NR2C2: variants seen among roughly 807,000 people sequenced by gnomAD.
The protein encoded by NR2C2 is nuclear receptor subfamily 2 group C member 2, also known as Nuclear hormone receptor TR4.
Under a neutral mutation model 62.9 loss-of-function variants are expected in NR2C2, and 6 were observed. The ratio of observed to expected loss-of-function variants is 0.10; its 90% CI spans 0.05 to 0.19. The LOEUF is 0.19. Among genes scored for constraint, NR2C2 ranks in the 10% least tolerant of loss-of-function variants. NR2C2 has a pLI of 1.00. For missense variants in NR2C2, 479 were observed against 762.7 expected, an observed-to-expected ratio of 0.63 and a Z score of 4.38; for synonymous variants, 272 against 273.8, an observed-to-expected ratio of 0.99 and a Z score of 0.07.
At chr3:14,959,160 C>T (rs1264251709) in intron 1 of NR2C2, 2 of 152,070 alleles carry the variant, frequency 1.3e-5, no homozygotes, top group Admixed American at 6.5e-5. Flanking sequence ...TCTCTAGGAC[C>T]GCCTATGGCT....
At chr3:14,985,784 T>C (rs2040498661) in intron 1 of NR2C2, among the ~76,000 whole-genome samples, 1 of 152,170 alleles carries the variant, frequency 6.6e-6, no homozygotes, top group African/African-American at 2.4e-5. Context: ...TAGATGCACA[T>C]TTAAGTTTTT....
intron 1 of NR2C2, among the ~76,000 whole-genome samples, chr3:14,961,777 A>T (rs1296658793): frequency 2.6e-5 from 4 of 152,216 alleles, no homozygotes; most frequent in African/African-American, 9.6e-5. Context: ...TACTAGTAGA[A>T]AGCCGAATTA....
intron 1 of NR2C2, among the ~76,000 whole-genome samples, chr3:14,993,251 C>G (rs778109342): frequency 1.3e-5 from 2 of 151,968 alleles, no homozygotes; most frequent in African/African-American, 2.4e-5. Flanking sequence ...GTCAGGAGTT[C>G]GACACCAGCC....
intron 1 of NR2C2, among the ~76,000 whole-genome samples, chr3:14,991,048 T>G (rs1321444490): frequency 6.6e-6 from 1 of 152,110 alleles, no homozygotes; most frequent in Non-Finnish European, 1.5e-5. Context: ...TTGTGGGGAG[T>G]GGTTGTTGAC....
intron 1 of NR2C2, among the ~76,000 whole-genome samples, chr3:14,987,005 C>T (rs2040531649): frequency 6.6e-6 from 1 of 152,186 alleles, no homozygotes; most frequent in Non-Finnish European, 1.5e-5. Context: ...TTATGTTTCA[C>T]AGTAGACTTT....
At chr3:15,042,007 T>C (rs529812176) in intron 13 of NR2C2, among the ~76,000 whole-genome samples, 1 of 152,250 alleles carries the variant, frequency 6.6e-6, no homozygotes, top group African/African-American at 2.4e-5. Flanking sequence ...TAACAATACG[T>C]ACTCTTCTTC....
intron 13 of NR2C2, among the ~76,000 whole-genome samples, chr3:15,041,789 T>C (rs933892682): frequency 1.1e-4 from 17 of 152,108 alleles, no homozygotes; most frequent in Non-Finnish European, 1.5e-5. Flanking sequence ...CCTGGGAGGT[T>C]GCGGTTGCAG....
intron 1 of NR2C2, among the ~76,000 whole-genome samples, chr3:14,983,158 T>C (rs142997169): frequency 2.1e-4 from 32 of 152,332 alleles, no homozygotes; most frequent in Non-Finnish European, 3.1e-4. Context: ...GTACAACTTA[T>C]TGCGGACTGT....
chr3:14,963,618 G>A (rs144085021), intron 1 of NR2C2, among the ~76,000 whole-genome samples: 2,409 of 152,008 alleles, frequency 0.016, 68 homozygotes, highest in African/African-American at 0.054. Flanking sequence ...ACAGGCACCC[G>A]CCACACCACG....
intron 2 of NR2C2, among the ~76,000 whole-genome samples, chr3:15,005,968 G>T (rs1043130939): frequency 6.6e-6 from 1 of 152,130 alleles, no homozygotes; most frequent in African/African-American, 2.4e-5. Context: ...CACTTAGGGA[G>T]GCTGAAGAAG....
chr3:15,000,527 A>G (rs2040959813), intron 1 of NR2C2, among the ~76,000 whole-genome samples: 1 of 152,194 alleles, frequency 6.6e-6, no homozygotes, highest in South Asian at 2.1e-4. Context: ...TTTTTGGGTA[A>G]ACACCCAGAA....
At chr3:15,022,343 A>G (rs2041691067) in intron 5 of NR2C2, among the ~76,000 whole-genome samples, 1 of 151,718 alleles carries the variant, frequency 6.6e-6, no homozygotes. Flanking sequence ...GGCATAGGAA[A>G]TGCATTCTAT....
rs1480311589 is a variant in NR2C2, at chr3:14,947,895, C to T, written c.-51C>T. 1 of 149,964 alleles carries T rather than the reference C, an allele frequency of 6.7e-6. No homozygotes were observed. The highest frequency in any genetic ancestry group is 1.5e-5 in the Non-Finnish European group (1 of 67,316). 9.3% of individuals were successfully genotyped at this position (149,964 alleles called of 1,614,324 possible). A position where few individuals can be genotyped will look rare whatever the true frequency, so the allele number is the denominator to read the frequency against. The stretch of plus-strand genomic sequence containing the variant: ...GACCCGCTTCGAGGCCGCTTTGGCG[C>T]CAAATCCTGAGGTAAAATTGAAAGA... On this transcript the variant is annotated 5_prime_UTR_variant, in exon 1 of 14. Transcript: ENST00000425241.
intron 1 of NR2C2, among the ~76,000 whole-genome samples, chr3:14,951,625 A>T (rs1293773898): frequency 6.6e-6 from 1 of 152,040 alleles, no homozygotes; most frequent in East Asian, 1.9e-4. Context: ...TCGTTAAGTT[A>T]TTTATTGCTT....
At chr3:14,986,930 A>C (rs1559547122) in intron 1 of NR2C2, among the ~76,000 whole-genome samples, 1 of 152,204 alleles carries the variant, frequency 6.6e-6, no homozygotes, top group African/African-American at 2.4e-5. Flanking sequence ...TTAGCTTTGT[A>C]ATTGCAGAAG....
chr3:15,033,619 G>C lies in NR2C2; in HGVS notation c.1233-1051G>C, dbSNP rs186338552. On this transcript the variant is annotated intron_variant, in intron 10 of 13. Coordinates refer to ENST00000425241, the MANE Select transcript of NR2C2 (RefSeq NM_001291694.2). Reference sequence around the variant, plus strand: ...ATGGCCTACCCCTTGCTACTATCTGGTAGGTGGTGTAACCTCAGGCTTTTT... The same window carrying C: ...ATGGCCTACCCCTTGCTACTATCTGCTAGGTGGTGTAACCTCAGGCTTTTT... 2.7e-3 allele frequency among the ~76,000 whole-genome samples: 399 copies of C among 146,646 alleles called. 1 individual carries two copies. Among genetic ancestry groups the C allele is most frequent in the African/African-American group, 9.3e-3 (373 of 40,230 alleles).
At position 15,045,432 on chromosome 3, in the gene NR2C2, G is replaced by T. The variant is rs990625725; in HGVS notation, c.*2424G>T. 1.3e-5 allele frequency: 2 copies of T among 152,742 alleles called. No homozygotes were observed. The highest frequency in any genetic ancestry group is 4.8e-5 in the African/African-American group (2 of 41,450). The allele number at this position is 152,742 out of a possible 1,614,324, so 9.5% of individuals were successfully genotyped here. The stretch of plus-strand genomic sequence containing the variant: ...AGAAAACGTGATTTTGCTTGGAAAG[G>T]TGCTGATTCTAACCTGGTCCTGCTC... On this transcript the variant is annotated 3_prime_UTR_variant, in exon 14 of 14. Transcript: ENST00000425241.
intron 1 of NR2C2, among the ~76,000 whole-genome samples, chr3:14,957,640 T>C (rs1269105650): frequency 6.6e-6 from 1 of 152,184 alleles, no homozygotes; most frequent in African/African-American, 2.4e-5. Context: ...GGATATGAAA[T>C]AGTTTTTATA....
intron 7 of NR2C2, 135 bp downstream of exon 7, chr3:15,024,343 T>C: frequency 1.6e-6 from 1 of 607,192 alleles, no homozygotes. Flanking sequence ...GGTCTCCTTA[T>C]TGTTGTGATA....
Sources: allele counts gnomAD v4.1 joint callset (sites outside exome capture counted in the v4.1 genomes callset), GRCh38; gene constraint gnomAD v4.1.1; transcripts MANE v1.5; gene names NCBI Gene and HGNC (gene_info 2026-07-23, HGNC 2026-07-21).